The following CACNA1E variants were observed in gnomAD, a reference collection of about 807,000 sequenced individuals.
The protein encoded by CACNA1E is voltage-dependent R-type calcium channel subunit alpha-1E.
In CACNA1E, 40 loss-of-function variants were observed where a neutral mutation model predicts 259.2. The ratio of observed to expected loss-of-function variants is 0.15; its 90% CI spans 0.12 to 0.20. The LOEUF (loss-of-function observed/expected upper bound fraction) is 0.20, where lower values mean the gene tolerates loss of function less well. Ranked by LOEUF, CACNA1E falls within the 10% of genes least tolerant of loss-of-function variation. The probability of loss-of-function intolerance (pLI) is 1.00; values close to 1 mark genes in which losing one functional copy is unlikely to be tolerated. For missense variants in CACNA1E, 1,874 were observed against 3,040.1 expected, an observed-to-expected ratio of 0.62 and a Z score of 9.02; for synonymous variants, 1,104 against 1,138.5, an observed-to-expected ratio of 0.97 and a Z score of 0.61.
intron 7 of CACNA1E, among the ~76,000 whole-genome samples, chr1:181,670,087 T>C (rs1284814439): frequency 1.3e-5 from 2 of 152,226 alleles, no homozygotes; most frequent in African/African-American, 4.8e-5. Flanking sequence ...CTTTTTCTGG[T>C]CTATAGAACC....
chr1:181,547,005 G>A (rs1293160347), intron 3 of CACNA1E, among the ~76,000 whole-genome samples: 5 of 152,160 alleles, frequency 3.3e-5, no homozygotes, highest in Non-Finnish European at 7.3e-5. Context: ...TAACTTAGAT[G>A]ATTTAAAGCC....
In CACNA1E at chr1:181,776,053, C is replaced by T. The variant is rs1458536500; in HGVS notation, c.5140-48C>T. On this transcript the variant is annotated intron_variant, in intron 37 of 47. Coordinates refer to ENST00000367573, the MANE Select transcript of CACNA1E (RefSeq NM_001205293.3). The surrounding 1 kb of genome is among the most constrained non-coding windows in gnomAD (Gnocchi z 4.4). ...GAAGCCTGTTCTTCTGCTTCCTGAGCTCTGCTTTAGGTTTCCCCTAACCCC... is the reference window on the plus strand; with the variant it reads ...GAAGCCTGTTCTTCTGCTTCCTGAGTTCTGCTTTAGGTTTCCCCTAACCCC... The T allele has an allele frequency of 6.4e-7, 1 of 1,568,068 alleles. No homozygotes were observed. The highest frequency in any genetic ancestry group is 8.7e-7 in the Non-Finnish European group (1 of 1,152,142).
intron 6 of CACNA1E, among the ~76,000 whole-genome samples, chr1:181,640,659 G>A (rs1449700461): frequency 6.6e-6 from 1 of 152,208 alleles, no homozygotes; most frequent in African/African-American, 2.4e-5. Flanking sequence ...TTTTTCTTGA[G>A]CGTCTGCCCT....
chr1:181,610,309 A>G lies in CACNA1E; in HGVS notation c.951+29533A>G, dbSNP rs567439196. Among the ~76,000 whole-genome samples the G allele has an allele frequency of 4.6e-5, 7 of 152,286 alleles. No individual in the cohort carries two copies. In the East Asian group the frequency reaches 1.4e-3, roughly 29 times the overall value. ...TCATTCCCATCCCAATAATAAACCA[A>G]TAATCTAAACATACTAAGGTTGAGA... On this transcript the variant is annotated intron_variant, in intron 6 of 47. Coordinates refer to ENST00000367573, the MANE Select transcript of CACNA1E (RefSeq NM_001205293.3).
intron 21 of CACNA1E, among the ~76,000 whole-genome samples, chr1:181,736,041 T>C (rs1208898033): frequency 6.6e-6 from 1 of 152,214 alleles, no homozygotes; most frequent in Non-Finnish European, 1.5e-5. Context: ...TCATGGTCAT[T>C]TATATGACAT....
rs149034248 is a variant in CACNA1E, at chr1:181,707,126, G to A, written c.1056-3828G>A. On this transcript the variant is annotated intron_variant, in intron 7 of 47. Transcript: ENST00000367573. ...AGCAGCGAGGGCAGAGGGGCTGTAA[G>A]AGTTAGGAAAGACACAGGTGCTGGA... 6.4e-3 allele frequency among the ~76,000 whole-genome samples: 977 copies of A among 152,290 alleles called. 13 individuals carry two copies. Among genetic ancestry groups the A allele is most frequent in the African/African-American group, 0.023 (938 of 41,550 alleles).
intron 1 of CACNA1E, among the ~76,000 whole-genome samples, chr1:181,365,799 T>A (rs1319458022): frequency 2.0e-5 from 3 of 152,230 alleles, no homozygotes; most frequent in Non-Finnish European, 4.4e-5. Context: ...AAATGGCACC[T>A]AGGCACAGTT....
At chr1:181,517,727 C>A (rs1666699137) in intron 3 of CACNA1E, among the ~76,000 whole-genome samples, 1 of 152,064 alleles carries the variant, frequency 6.6e-6, no homozygotes. Flanking sequence ...ACGATTTAGC[C>A]TGAAGCCTGT....
intron 6 of CACNA1E, among the ~76,000 whole-genome samples, chr1:181,583,539 G>T (rs1651763398): frequency 6.6e-6 from 1 of 152,144 alleles, no homozygotes; most frequent in Non-Finnish European, 1.5e-5. Flanking sequence ...CAAGCATGTG[G>T]GCTCAGTTTA....
intron 2 of CACNA1E, among the ~76,000 whole-genome samples, chr1:181,453,722 A>G (rs1661294271): frequency 6.6e-6 from 1 of 152,154 alleles, no homozygotes; most frequent in South Asian, 2.1e-4. Flanking sequence ...TAGCAAGGAG[A>G]GCTGACCCTG....
At chr1:181,490,630 G>A (rs527261978) in intron 1 of CACNA1E, among the ~76,000 whole-genome samples, 1 of 150,536 alleles carries the variant, frequency 6.6e-6, no homozygotes, top group East Asian at 2.0e-4. Flanking sequence ...TTTTGTGTGT[G>A]TGCTGCATTT....
chr1:181,685,230 G>GTT (rs139598690), intron 7 of CACNA1E, among the ~76,000 whole-genome samples: 3,895 of 103,382 alleles, frequency 0.038, 119 homozygotes, highest in Middle Eastern at 0.071. Flanking sequence ...CCACCTTTAA[G>GTT]TTTTTTTTTT....
intron 1 of CACNA1E, among the ~76,000 whole-genome samples, chr1:181,491,511 G>T (rs533268495): frequency 3.3e-4 from 50 of 152,286 alleles, no homozygotes; most frequent in Admixed American, 1.7e-3. Flanking sequence ...TATCTGCCTG[G>T]CAATGCCTTT....
intron 12 of CACNA1E, 83 bp from the exon 13 acceptor site, chr1:181,719,653 ATCCCCCACTGAGAGC>A: frequency 1.7e-6 from 1 of 585,182 alleles, no homozygotes; most frequent in Non-Finnish European, 3.0e-6. Context: ...TTATTTCCCC[ATCCCCCACTGAGAGC>A]TGTTGATGGT....
chr1:181,521,179 G>A (rs192723012), intron 3 of CACNA1E, among the ~76,000 whole-genome samples: 2 of 152,350 alleles, frequency 1.3e-5, no homozygotes, highest in Admixed American at 1.3e-4. Context: ...TGACTAGGAG[G>A]CAGAGTGACA....
chr1:181,647,410 A>G (rs1346906885), intron 6 of CACNA1E, among the ~76,000 whole-genome samples: 1 of 152,160 alleles, frequency 6.6e-6, no homozygotes, highest in African/African-American at 2.4e-5. Flanking sequence ...CTGTCACAGA[A>G]GTTGGGGGGG....
At chr1:181,703,982 C>T (rs1652539897) in intron 7 of CACNA1E, among the ~76,000 whole-genome samples, 2 of 149,074 alleles carry the variant, frequency 1.3e-5, no homozygotes, top group Non-Finnish European at 1.5e-5. Context: ...GATTTCTGCT[C>T]ATAGGAGGAG....
At chr1:181,411,949 C>T (rs149426777) in intron 1 of CACNA1E, among the ~76,000 whole-genome samples, 7 of 152,366 alleles carry the variant, frequency 4.6e-5, no homozygotes, top group East Asian at 1.9e-4. Context: ...ATCAGGCCTA[C>T]GCCAATCATA....
At chr1:181,533,724 G>C (rs974511301) in intron 3 of CACNA1E, among the ~76,000 whole-genome samples, 3 of 151,896 alleles carry the variant, frequency 2.0e-5, no homozygotes, top group African/African-American at 4.8e-5. Flanking sequence ...CCACTTATTT[G>C]GGATATATTT....
Sources: gnomAD v4.1 joint callset for allele counts (sites outside exome capture counted in the v4.1 genomes callset) on GRCh38, gnomAD v4.1.1 for gene constraint, Gnocchi (gnomAD v3.1) non-coding constraint, MANE v1.5 for transcripts, NCBI Gene and HGNC (gene_info 2026-07-23, HGNC 2026-07-21) for gene names.